The following UNC13C variants were observed in gnomAD, a reference collection of about 807,000 sequenced individuals.
UNC13C encodes unc-13 homolog C, also known as protein unc-13 homolog C.
A neutral mutation model predicts 245.4 loss-of-function variants in UNC13C; 174 were observed. The observed-to-expected ratio is 0.71, with a 90% CI of 0.63 to 0.80. The LOEUF is 0.80. Ranked by LOEUF, UNC13C falls within the 30% of genes least tolerant of loss-of-function variation. UNC13C has a pLI of 0.00. For missense variants in UNC13C, 2,829 were observed against 2,602.9 expected, an observed-to-expected ratio of 1.09 and a Z score of -1.89; for synonymous variants, 992 against 895.1, an observed-to-expected ratio of 1.11 and a Z score of -1.93.
intron 2 of UNC13C, among the ~76,000 whole-genome samples, chr15:54,082,364 C>T (rs1013974084): frequency 1.4e-4 from 16 of 113,402 alleles, no homozygotes; most frequent in African/African-American, 3.9e-4. Flanking sequence ...AATATGTTTT[C>T]CAAGTTGCCT....
At chr15:54,219,678 G>A (rs954392802) in intron 4 of UNC13C, among the ~76,000 whole-genome samples, 1 of 151,552 alleles carries the variant, frequency 6.6e-6, no homozygotes, top group Non-Finnish European at 1.5e-5. Context: ...CAAAATGGGA[G>A]AAAATTTTCG....
chr15:54,598,576 A>G (rs1296765787), intron 30 of UNC13C, among the ~76,000 whole-genome samples: 3 of 152,224 alleles, frequency 2.0e-5, no homozygotes, highest in African/African-American at 4.8e-5. Flanking sequence ...CAGCACTGGC[A>G]TGTGTTGAGG....
At chr15:53,972,327 G>A in the UNC13C span, among the ~76,000 whole-genome samples, 4 of 152,188 alleles carry the variant, frequency 2.6e-5, no homozygotes, top group African/African-American at 9.6e-5. Context: ...ACATGTGGAC[G>A]TGCTCTTTGG....
chr15:54,594,457 C>CT (rs1337833494), intron 30 of UNC13C, among the ~76,000 whole-genome samples: 4 of 151,986 alleles, frequency 2.6e-5, no homozygotes, highest in Non-Finnish European at 5.9e-5. Flanking sequence ...GGGGGCAGGG[C>CT]TAGGTGTGTC....
chr15:54,565,532 T>G (rs908827777), intron 29 of UNC13C, among the ~76,000 whole-genome samples: 2 of 152,034 alleles, frequency 1.3e-5, no homozygotes, highest in African/African-American at 2.4e-5. Context: ...AAAGAGAGTA[T>G]AATTGTGATA....
At chr15:54,105,121 T>A (rs971335496) in intron 2 of UNC13C, among the ~76,000 whole-genome samples, 1 of 152,228 alleles carries the variant, frequency 6.6e-6, no homozygotes, top group Non-Finnish European at 1.5e-5. Context: ...CAATAGTTCT[T>A]ATACAGGATT....
At position 54,300,351 on chromosome 15, in the gene UNC13C, G is replaced by C. The variant is rs1431525651; in HGVS notation, c.4246G>C (p.Glu1416Gln). ...TGAATTTGCTATGCGTTATGGAATT[G>C]AATCCATTTATCAAGCTATGACGTA... ...VDEFAMRYGI[E>Q]SIYQAMTHFS... Residue 1416 changes from glutamate to glutamine, a missense_variant, in exon 13 of 33, where the codon GAA becomes CAA. By Grantham distance (29) the Glu-to-Gln change is conservative. Coordinates refer to ENST00000260323, the MANE Select transcript of UNC13C (RefSeq NM_001080534.3). 3 of 1,577,554 alleles carry C rather than the reference G, an allele frequency of 1.9e-6. No homozygotes were observed. The highest frequency in any genetic ancestry group is 2.6e-6 in the Non-Finnish European group (3 of 1,160,006).
At chr15:54,111,150 T>C (rs1384302548) in intron 2 of UNC13C, among the ~76,000 whole-genome samples, 3 of 152,224 alleles carry the variant, frequency 2.0e-5, no homozygotes, top group Admixed American at 1.3e-4. Context: ...CTGACTTTAC[T>C]CTTGGAGAAA....
intron 19 of UNC13C, among the ~76,000 whole-genome samples, chr15:54,483,530 T>C (rs1005103623): frequency 6.6e-6 from 1 of 152,164 alleles, no homozygotes; most frequent in Non-Finnish European, 1.5e-5. Flanking sequence ...GGAGTCTCAC[T>C]TTGTTACCAG....
At chr15:54,090,135 A>G (rs1899484456) in intron 2 of UNC13C, among the ~76,000 whole-genome samples, 1 of 152,194 alleles carries the variant, frequency 6.6e-6, no homozygotes, top group Admixed American at 6.5e-5. Flanking sequence ...TGTGCTTGCC[A>G]AAGGGAATCA....
chr15:54,499,441 C>A (rs531849692), intron 20 of UNC13C, among the ~76,000 whole-genome samples: 1 of 152,030 alleles, frequency 6.6e-6, no homozygotes, highest in African/African-American at 2.4e-5. Context: ...ACAAATAAAC[C>A]AAGGGAATAA....
At chr15:54,440,518 T>C (rs1440324902) in intron 19 of UNC13C, among the ~76,000 whole-genome samples, 1 of 152,050 alleles carries the variant, frequency 6.6e-6, no homozygotes. Context: ...TAGTATTCCA[T>C]TGTGTATAAA....
chr15:54,013,914 G>T lies in UNC13C; in HGVS notation c.1011G>T (p.Val337=), dbSNP rs140142945. ...TEERFEYVES[V]VYQILIDKMG... ...AAAGATTTGAATATGTTGAAAGCGT[G>T]GTGTACCAAATTCTAATAGATAAAA... The change falls in exon 2 of 33, where the codon GTG becomes GTT. Residue 337 remains valine (V), a synonymous_variant. Coordinates refer to ENST00000260323, the MANE Select transcript of UNC13C (RefSeq NM_001080534.3). 3.2e-4 allele frequency: 523 copies of T among 1,613,034 alleles called. 2 individuals carry two copies. The African/African-American group carries it at 6.7e-3, about 21-fold the overall frequency.
At chr15:54,426,683 C>T (rs753403223) in intron 19 of UNC13C, among the ~76,000 whole-genome samples, 39 of 151,598 alleles carry the variant, frequency 2.6e-4, no homozygotes, top group Non-Finnish European at 5.2e-4. Context: ...AGGCTGCCTA[C>T]CATGGAGTGT....
At chr15:53,889,561 T>C in the UNC13C span, among the ~76,000 whole-genome samples, 1 of 152,222 alleles carries the variant, frequency 6.6e-6, no homozygotes, top group Non-Finnish European at 1.5e-5. Flanking sequence ...TCTTGCCTGA[T>C]TGCCCTGGCC....
Position 54,627,084 on chromosome 15 carries a change from G to GAAAC in UNC13C, c.6619_6622dup (p.Arg2208AsnfsTer5), listed in dbSNP as rs1281759149. On this transcript the variant is annotated frameshift_variant, in exon 33 of 33. Coordinates refer to ENST00000260323, the MANE Select transcript of UNC13C (RefSeq NM_001080534.3). LOFTEE classifies it high-confidence loss of function. ...TAAAGAATTTGTAAGACTTAAATCT[G>GAAAC]AAACAAGATCTACTGAAGAGAGTGC... 6.2e-7 allele frequency: 1 copy of GAAAC among 1,612,366 alleles called. No homozygotes were observed. The highest frequency in any genetic ancestry group is 8.5e-7 in the Non-Finnish European group (1 of 1,179,050).
At chr15:54,282,035 G>T (rs774292284) in intron 10 of UNC13C, among the ~76,000 whole-genome samples, 2 of 151,994 alleles carry the variant, frequency 1.3e-5, no homozygotes, top group African/African-American at 2.4e-5. Flanking sequence ...CCATTGTATG[G>T]GTACACTACA....
chr15:53,847,566 A>T, the UNC13C span, among the ~76,000 whole-genome samples: 1 of 148,136 alleles, frequency 6.8e-6, no homozygotes, highest in African/African-American at 2.5e-5. Context: ...AGGTTTCACC[A>T]TGTTGGCCAG....
chr15:53,843,636 T>C, the UNC13C span, among the ~76,000 whole-genome samples: 336 of 152,068 alleles, frequency 2.2e-3, 5 homozygotes, highest in Admixed American at 0.019. Flanking sequence ...ATGTTGTATA[T>C]GTGGAGAAAA....
Sources: gnomAD v4.1 joint callset for allele counts (sites outside exome capture counted in the v4.1 genomes callset) on GRCh38, gnomAD v4.1.1 for gene constraint, MANE v1.5 for transcripts, NCBI Gene and HGNC (gene_info 2026-07-23, HGNC 2026-07-21) for gene names.